The following KL variants were observed in gnomAD, a reference collection of about 807,000 sequenced individuals.
KL encodes klotho.
In KL, 62 loss-of-function variants were observed where a neutral mutation model predicts 84.2. The ratio of observed to expected loss-of-function variants is 0.74; its 90% confidence interval spans 0.60 to 0.91. The LOEUF (loss-of-function observed/expected upper bound fraction) is 0.91, where lower values mean the gene tolerates loss of function less well. Ranked by LOEUF, KL falls within the 40% of genes least tolerant of loss-of-function variation. The pLI is 0.00. For synonymous variants in KL, 528 were observed against 528.0 expected, an observed-to-expected ratio of 1.00 and a Z score of 0.00; for missense variants, 1,261 against 1,305.7, an observed-to-expected ratio of 0.97 and a Z score of 0.53.
At chr13:33,045,542 G>T (rs754765021) in intron 1 of KL, among the ~76,000 whole-genome samples, 1 of 152,224 alleles carries the variant, frequency 6.6e-6, no homozygotes, top group East Asian at 1.9e-4. Flanking sequence ...GTGCAGTGGC[G>T]TGATCTCGGC....
At chr13:33,029,763 A>G (rs1870906743) in intron 1 of KL, among the ~76,000 whole-genome samples, 2 of 152,128 alleles carry the variant, frequency 1.3e-5, no homozygotes, top group South Asian at 4.1e-4. Context: ...CCTCCCGAGT[A>G]GCTGGGACTA....
chr13:33,054,962 G>A, intron 2 of KL, 85 bp from the exon 3 acceptor site: 2 of 1,551,548 alleles, frequency 1.3e-6, no homozygotes, highest in Non-Finnish European at 1.8e-6. Flanking sequence ...ATTTATTTAA[G>A]TAGGAAACGC....
At chr13:33,054,686 T>C (rs1322017872) in intron 2 of KL, among the ~76,000 whole-genome samples, 1 of 152,244 alleles carries the variant, frequency 6.6e-6, no homozygotes, top group African/African-American at 2.4e-5. Context: ...AAATAGATCA[T>C]GCTTTTAAAG....
At chr13:33,020,844 C>A (rs1870549912) in intron 1 of KL, among the ~76,000 whole-genome samples, 1 of 152,270 alleles carries the variant, frequency 6.6e-6, no homozygotes, top group Non-Finnish European at 1.5e-5. Flanking sequence ...ATGATGGATG[C>A]TCTACAGGGT....
At chr13:33,046,730 GT>G (rs1218531988) in intron 1 of KL, among the ~76,000 whole-genome samples, 1 of 141,524 alleles carries the variant, frequency 7.1e-6, no homozygotes, top group Non-Finnish European at 1.5e-5. Flanking sequence ...GGAAGACTAA[GT>G]TATTGAGATA....
chr13:33,035,466 G>A (rs887507510), intron 1 of KL, among the ~76,000 whole-genome samples: 1 of 152,178 alleles, frequency 6.6e-6, no homozygotes, highest in Non-Finnish European at 1.5e-5. Context: ...TGAGGGTATT[G>A]TGGAATTATT....
At position 33,017,070 on chromosome 13, in the gene KL, C is replaced by A. The variant is rs1483081709; in HGVS notation, c.630C>A (p.Arg210=). The A allele has an allele frequency of 5.0e-6, 8 of 1,602,186 alleles. No homozygotes were observed. Among genetic ancestry groups the A allele is most frequent in the Non-Finnish European group, 5.9e-6 (7 of 1,178,528 alleles). The change falls in exon 1 of 5, where the codon CGC becomes CGA. Residue 210 remains arginine (R), a synonymous_variant. Coordinates refer to ENST00000380099, the MANE Select transcript of KL (RefSeq NM_004795.4). ...ACGCCTACGGCGGCTGGGCCAACCG[C>A]GCCCTGGCCGACCACTTCAGGGATT... The part of the protein sequence containing the change: ...LQDAYGGWAN[R]ALADHFRDYA...
chr13:33,051,828 G>A (rs1236206432), intron 1 of KL, among the ~76,000 whole-genome samples: 1 of 152,202 alleles, frequency 6.6e-6, no homozygotes, highest in Non-Finnish European at 1.5e-5. Context: ...TTTAGGACAT[G>A]ACTGTTCATA....
At chr13:33,033,677 C>T (rs9536234) in intron 1 of KL, among the ~76,000 whole-genome samples, 21,723 of 151,792 alleles carry the variant, frequency 0.14, 1,651 homozygotes, top group South Asian at 0.17. Context: ...CATTTGGTGA[C>T]TTCCTGTCTC....
At chr13:33,025,271 CTT>C (rs1309164940) in intron 1 of KL, among the ~76,000 whole-genome samples, 1 of 152,162 alleles carries the variant, frequency 6.6e-6, no homozygotes, top group Non-Finnish European at 1.5e-5. Flanking sequence ...GGCTGGCAAT[CTT>C]TTTCTGTAGA....
At position 33,060,788 on chromosome 13, in the gene KL, C is replaced by T. The variant is rs377122431; in HGVS notation, c.1709C>T (p.Ser570Phe). 4.3e-6 allele frequency: 7 copies of T among 1,614,080 alleles called. No individual in the cohort carries two copies. The highest frequency in any genetic ancestry group is 5.9e-6 in the Non-Finnish European group (7 of 1,180,056). Residue 570 changes from serine to phenylalanine, a missense_variant, in exon 4 of 5, where the codon TCC becomes TTC. By Grantham distance (155) the Ser-to-Phe change is radical. Transcript: ENST00000380099. ...GGGGTTGTGACCAAGAAGAGGAAAT[C>T]CTACTGTGTTGACTTTGCTGCCATC... ...VDGVVTKKRK[S>F]YCVDFAAIQP...
chr13:33,046,563 T>A (rs546677), intron 1 of KL, among the ~76,000 whole-genome samples: 2 of 151,726 alleles, frequency 1.3e-5, no homozygotes, highest in Non-Finnish European at 2.9e-5. Context: ...AAGGTTGGTC[T>A]GTTTTGTTGA....
chr13:33,038,417 CT>C (rs1871218844), intron 1 of KL, among the ~76,000 whole-genome samples: 1 of 152,206 alleles, frequency 6.6e-6, no homozygotes, highest in African/African-American at 2.4e-5. Flanking sequence ...TTTAAAGGCT[CT>C]TTTCCCCTAA....
At chr13:33,040,886 TC>T (rs1871314802) in intron 1 of KL, among the ~76,000 whole-genome samples, 1 of 152,090 alleles carries the variant, frequency 6.6e-6, no homozygotes, top group East Asian at 1.9e-4. Context: ...TGATTCCTCT[TC>T]CCCTCCTCAC....
intron 1 of KL, among the ~76,000 whole-genome samples, chr13:33,052,746 T>C (rs1346849924): frequency 7.2e-5 from 11 of 152,144 alleles, no homozygotes; most frequent in African/African-American, 2.7e-4. Context: ...AAAATTGGCA[T>C]GATCATTTTG....
rs1870388251 is a variant in KL at position 33,017,099 on chromosome 13, C to T, written c.659C>T (p.Ala220Val). Reference protein sequence around the residue: ...RALADHFRDYAELCFRHFGGQ... With the variant: ...RALADHFRDYVELCFRHFGGQ... Reference sequence around the variant, plus strand: ...CTGGCCGACCACTTCAGGGATTACGCGGAGCTCTGCTTCCGCCACTTCGGC... The same window carrying T: ...CTGGCCGACCACTTCAGGGATTACGTGGAGCTCTGCTTCCGCCACTTCGGC... Residue 220 changes from alanine (A) to valine (V), a missense_variant, in exon 1 of 5, where the codon GCG (alanine) becomes GTG (valine). Coordinates refer to ENST00000380099, the MANE Select transcript of KL (RefSeq NM_004795.4). The T allele has an allele frequency of 1.9e-6, 3 of 1,605,440 alleles. No individual in the cohort carries two copies. The highest frequency in any genetic ancestry group is 1.7e-6 in the Non-Finnish European group (2 of 1,179,748).
intron 1 of KL, among the ~76,000 whole-genome samples, chr13:33,031,255 G>A (rs556478588): frequency 1.3e-5 from 2 of 152,298 alleles, no homozygotes; most frequent in Admixed American, 6.5e-5. Context: ...AAAAAGTATG[G>A]TTTCAATCCA....
rs765369493 is a variant in KL at position 33,055,305 on chromosome 13, A to G, written c.1589A>G (p.Asn530Ser). 9.3e-6 allele frequency: 15 copies of G among 1,614,072 alleles called. No homozygotes were observed. Among genetic ancestry groups the G allele is most frequent in the Non-Finnish European group, 1.3e-5 (15 of 1,180,038 alleles). Residue 530 changes from asparagine to serine, a missense_variant, in exon 3 of 5, where the codon AAC (asparagine) becomes AGC (serine). Physicochemically the swap from Asn to Ser is conservative, Grantham distance 46. Coordinates refer to ENST00000380099, the MANE Select transcript of KL (RefSeq NM_004795.4). Reference sequence around the variant, plus strand: ...GACTTTGCTTGGGGAGTTGTTGACAACTACATTCAAGTAAGTCAGCTGACA... The same window carrying G: ...GACTTTGCTTGGGGAGTTGTTGACAGCTACATTCAAGTAAGTCAGCTGACA... Reference protein sequence around the residue: ...PCDFAWGVVDNYIQVDTTLSQ... With the variant: ...PCDFAWGVVDSYIQVDTTLSQ...
chr13:33,061,827 AG>A (rs1872220202), intron 4 of KL, 47 bp downstream of exon 4: 1 of 1,585,772 alleles, frequency 6.3e-7, no homozygotes, highest in Admixed American at 1.7e-5. Context: ...ATGTCACCAG[AG>A]GGCATGACAC....
Sources: allele counts gnomAD v4.1 joint callset (sites outside exome capture counted in the v4.1 genomes callset), GRCh38; gene constraint gnomAD v4.1.1; transcripts MANE v1.5; gene names NCBI Gene and HGNC (gene_info 2026-07-23, HGNC 2026-07-21).